Variants in CEP85L observed in about 807,000 individuals in gnomAD.
The protein encoded by CEP85L is centrosomal protein of 85 kDa-like.
Under a neutral mutation model 100.3 loss-of-function variants are expected in CEP85L, and 60 were observed. That is an observed-to-expected ratio of 0.60 (90% CI 0.49 to 0.74). CEP85L has a LOEUF of 0.74. CEP85L is among the 30% of genes least tolerant of loss of function. The probability of loss-of-function intolerance (pLI) is 0.00; values close to 1 mark genes in which losing one functional copy is unlikely to be tolerated. For synonymous variants in CEP85L, 319 were observed against 322.7 expected (o/e 0.99, Z 0.12); for missense variants, 973 against 936.2 (o/e 1.04, Z -0.51).
chr6:118,671,625 C>A (rs769727066), intron 1 of CEP85L, among the ~76,000 whole-genome samples: 1 of 152,068 alleles, frequency 6.6e-6, no homozygotes, highest in Non-Finnish European at 1.5e-5. Context: ...GGTACCATTT[C>A]GAATTCATCA....
intron 5 of CEP85L, among the ~76,000 whole-genome samples, chr6:118,506,938 C>T (rs1174551383): frequency 6.6e-6 from 1 of 152,120 alleles, no homozygotes; most frequent in Non-Finnish European, 1.5e-5. Context: ...CTTCTGCTAC[C>T]TTCTAAAATG....
intron 2 of CEP85L, among the ~76,000 whole-genome samples, chr6:118,586,556 G>A (rs1039580364): frequency 3.3e-5 from 5 of 152,032 alleles, no homozygotes; most frequent in African/African-American, 7.2e-5. Flanking sequence ...TACAGGAATC[G>A]ACCGACTCCT....
chr6:118,515,936 TC>T (rs749912647), intron 4 of CEP85L, among the ~76,000 whole-genome samples: 12 of 152,120 alleles, frequency 7.9e-5, no homozygotes, highest in Non-Finnish European at 1.6e-4. Flanking sequence ...TGTGTGATAT[TC>T]CTCTCCCTGT....
At chr6:118,612,999 G>A (rs561168327) in intron 2 of CEP85L, among the ~76,000 whole-genome samples, 338 of 151,724 alleles carry the variant, frequency 2.2e-3, no homozygotes, top group African/African-American at 7.3e-3. Flanking sequence ...CGGGCGGATC[G>A]CCTGAAGTCA....
At chr6:118,633,280 C>G (rs1255680278) in intron 1 of CEP85L, among the ~76,000 whole-genome samples, 2 of 151,292 alleles carry the variant, frequency 1.3e-5, no homozygotes, top group African/African-American at 4.9e-5. Context: ...TCTCTGCTCA[C>G]TGTAAGCGCT....
At chr6:118,589,494 TG>T in intron 2 of CEP85L, 1 of 254,606 alleles carries the variant, frequency 3.9e-6, no homozygotes, top group South Asian at 6.6e-5. Flanking sequence ...CTGTGTCCCC[TG>T]GGAAAAGAAA....
intron 3 of CEP85L, among the ~76,000 whole-genome samples, chr6:118,524,189 G>A (rs775147706): frequency 2.0e-4 from 30 of 152,076 alleles, no homozygotes; most frequent in African/African-American, 5.3e-4. Flanking sequence ...GGCCAGGCGC[G>A]GTGGCTCACG....
At position 118,699,851 on chromosome 6, in the gene CEP85L, C is replaced by T. The variant is rs551550856; in HGVS notation, c.-28+10185G>A. 1.6e-4 allele frequency among the ~76,000 whole-genome samples: 24 copies of T among 152,226 alleles called. No homozygotes were observed. In the South Asian group the frequency reaches 3.5e-3, roughly 22 times the overall value. Reference sequence around the variant, plus strand: ...CGGGGACTACAGGCACGCACCACCACGCCCAGCTAATTTTTGCATTTTTAG... The same window carrying T: ...CGGGGACTACAGGCACGCACCACCATGCCCAGCTAATTTTTGCATTTTTAG... On this transcript the variant is annotated intron_variant, in intron 1 of 13. Coordinates refer to the CEP85L transcript ENST00000368488.
At chr6:118,583,350 C>G (rs925034460) in intron 2 of CEP85L, among the ~76,000 whole-genome samples, 1 of 152,196 alleles carries the variant, frequency 6.6e-6, no homozygotes, top group Admixed American at 6.5e-5. Context: ...CTCCCCTCTT[C>G]CCAGAGCACA....
At chr6:118,675,283 A>G (rs1424929948) in intron 1 of CEP85L, among the ~76,000 whole-genome samples, 2 of 151,950 alleles carry the variant, frequency 1.3e-5, no homozygotes, top group Admixed American at 6.6e-5. Flanking sequence ...TATATTGTCT[A>G]TATATATAGG....
chr6:118,481,981 G>A (rs775397061), intron 7 of CEP85L, 48 bp from the exon 8 acceptor site: 14 of 1,167,852 alleles, frequency 1.2e-5, no homozygotes, highest in South Asian at 6.0e-5. Context: ...TATTAAATAC[G>A]CTTCTATTAG....
intron 2 of CEP85L, among the ~76,000 whole-genome samples, chr6:118,620,209 C>G (rs1239582204): frequency 6.6e-6 from 1 of 152,166 alleles, no homozygotes; most frequent in Non-Finnish European, 1.5e-5. Flanking sequence ...AAATTTATCA[C>G]CCAATCAGCG....
At chr6:118,666,388 C>T (rs1440045425) in intron 1 of CEP85L, among the ~76,000 whole-genome samples, 3 of 152,004 alleles carry the variant, frequency 2.0e-5, no homozygotes, top group Non-Finnish European at 4.4e-5. Context: ...TGACTGCCCC[C>T]AAAAAAGGGT....
intron 10 of CEP85L, among the ~76,000 whole-genome samples, chr6:118,471,641 C>G (rs1158348666): frequency 6.6e-6 from 1 of 151,756 alleles, no homozygotes; most frequent in Non-Finnish European, 1.5e-5. Flanking sequence ...TTTTAAATTT[C>G]ATTTGTCTGC....
intron 2 of CEP85L, among the ~76,000 whole-genome samples, chr6:118,572,935 G>A (rs545512173): frequency 8.5e-4 from 129 of 152,068 alleles, no homozygotes; most frequent in Non-Finnish European, 1.5e-3. Context: ...AGTGGTGCAC[G>A]CCTCTAATAC....
At position 118,555,578 on chromosome 6, in the gene CEP85L, CTATT is replaced by C. The variant is rs566565577; in HGVS notation, c.1020+9947_1020+9950del. Among the ~76,000 whole-genome samples, 14 of 152,060 alleles carry C rather than the reference CTATT, an allele frequency of 9.2e-5. No homozygotes were observed. In the East Asian group the frequency reaches 2.3e-3, roughly 25 times the overall value. ...ATCTCAATAAAGAACAAAAGAAAAT[CTATT>C]TATATTTTACCTGAAGAATTCAAAC... On this transcript the variant is annotated intron_variant, in intron 3 of 12. Coordinates refer to ENST00000368491, the MANE Select transcript of CEP85L (RefSeq NM_001042475.3).
chr6:118,485,780 T>C, intron 6 of CEP85L, among the ~76,000 whole-genome samples: 1 of 152,242 alleles, frequency 6.6e-6, no homozygotes, highest in East Asian at 1.9e-4. Context: ...AGTAACCAGC[T>C]GTGCTTGGTC....
chr6:118,620,216 AG>A (rs1035459941), intron 2 of CEP85L, among the ~76,000 whole-genome samples: 2 of 152,236 alleles, frequency 1.3e-5, no homozygotes, highest in African/African-American at 4.8e-5. Context: ...TCACCCAATC[AG>A]CGGCCAATAT....
chr6:118,536,620 G>C (rs1227299986), intron 3 of CEP85L, among the ~76,000 whole-genome samples: 1 of 152,168 alleles, frequency 6.6e-6, no homozygotes, highest in Non-Finnish European at 1.5e-5. Context: ...TGTCGTGGCT[G>C]TAAGTTCCTA....
Sources: gnomAD v4.1 joint callset for allele counts (sites outside exome capture counted in the v4.1 genomes callset) on GRCh38, gnomAD v4.1.1 for gene constraint, MANE v1.5 for transcripts, NCBI Gene and HGNC (gene_info 2026-07-23, HGNC 2026-07-21) for gene names.